Variants in ASIC2 observed in about 807,000 individuals in gnomAD.
ASIC2 encodes acid-sensing ion channel 2.
In ASIC2, 25 loss-of-function variants were observed where a neutral mutation model predicts 57.3. That is an observed-to-expected ratio of 0.44 (90% confidence interval 0.32 to 0.61). ASIC2 has a LOEUF of 0.61. Among genes scored for constraint, ASIC2 ranks in the 20% least tolerant of loss-of-function variants. The probability of loss-of-function intolerance (pLI) is 0.06; values close to 1 mark genes in which losing one functional copy is unlikely to be tolerated. For synonymous variants in ASIC2, 319 were observed against 307.5 expected, an observed-to-expected ratio of 1.04 and a Z score of -0.39; for missense variants, 641 against 738.1, an observed-to-expected ratio of 0.87 and a Z score of 1.52.
chr17:33,396,709 A>G lies in ASIC2; in HGVS notation c.556-284642T>C, dbSNP rs1037674858. 1.6e-4 allele frequency among the ~76,000 whole-genome samples: 25 copies of G among 152,198 alleles called. No individual in the cohort carries two copies. In the East Asian group the frequency reaches 4.8e-3, roughly 29 times the overall value. On this transcript the variant is annotated intron_variant, in intron 1 of 9. Coordinates refer to the ASIC2 transcript ENST00000359872. ...AGGTAGAGGACTGATAGCATTTCTC[A>G]TCATGGGGACATAGTTAGATCACCT...
chr17:33,092,758 C>A (rs2092162574), intron 2 of ASIC2, among the ~76,000 whole-genome samples: 1 of 152,216 alleles, frequency 6.6e-6, no homozygotes, highest in African/African-American at 2.4e-5. Context: ...TGAGCAGATG[C>A]CTTAATTCAT....
At chr17:33,590,007 C>A (rs1200725927) in intron 1 of ASIC2, among the ~76,000 whole-genome samples, 1 of 152,156 alleles carries the variant, frequency 6.6e-6, no homozygotes, top group Admixed American at 6.5e-5. Context: ...GGGTGGTCCA[C>A]CCATCATATA....
At chr17:34,090,032 C>T (rs1910267288) in intron 1 of ASIC2, among the ~76,000 whole-genome samples, 1 of 152,200 alleles carries the variant, frequency 6.6e-6, no homozygotes, top group African/African-American at 2.4e-5. Context: ...GCATACAGAT[C>T]ACACCACAGT....
intron 1 of ASIC2, among the ~76,000 whole-genome samples, chr17:33,692,824 T>C (rs1908414968): frequency 6.6e-6 from 1 of 152,216 alleles, no homozygotes; most frequent in African/African-American, 2.4e-5. Flanking sequence ...CACTAGGCAA[T>C]AGAAAATTTT....
chr17:34,020,416 G>T (rs1907116061), intron 1 of ASIC2, among the ~76,000 whole-genome samples: 1 of 152,140 alleles, frequency 6.6e-6, no homozygotes, highest in Non-Finnish European at 1.5e-5. Flanking sequence ...GCTGAGTTGG[G>T]CTCTGGTGGG....
intron 1 of ASIC2, among the ~76,000 whole-genome samples, chr17:34,077,035 A>G (rs1340166379): frequency 2.0e-5 from 3 of 152,222 alleles, no homozygotes; most frequent in Admixed American, 6.5e-5. Flanking sequence ...GGTGATAACT[A>G]AGGAGGTGAA....
chr17:33,773,997 G>A (rs1322494769), intron 1 of ASIC2, among the ~76,000 whole-genome samples: 1 of 151,958 alleles, frequency 6.6e-6, no homozygotes, highest in Non-Finnish European at 1.5e-5. Context: ...ACCTTCCTGG[G>A]AAGTATGCAG....
intron 1 of ASIC2, among the ~76,000 whole-genome samples, chr17:33,526,225 T>C (rs1345827807): frequency 2.0e-5 from 3 of 152,202 alleles, no homozygotes; most frequent in Non-Finnish European, 2.9e-5. Flanking sequence ...CATCCTGTCT[T>C]AGAATTCCCA....
chr17:33,651,908 A>T (rs1318695448), intron 1 of ASIC2, among the ~76,000 whole-genome samples: 1 of 152,212 alleles, frequency 6.6e-6, no homozygotes, highest in African/African-American at 2.4e-5. Context: ...CTGCTCTGGG[A>T]AAGTTTGCAC....
chr17:33,076,171 G>C (rs12450335), intron 3 of ASIC2, among the ~76,000 whole-genome samples: 14,073 of 152,214 alleles, frequency 0.092, 759 homozygotes, highest in Non-Finnish European at 0.13. Flanking sequence ...TTCAAAAACA[G>C]ACAAAAATCT....
chr17:33,796,186 G>C (rs768045353), intron 1 of ASIC2, among the ~76,000 whole-genome samples: 1 of 152,152 alleles, frequency 6.6e-6, no homozygotes, highest in Non-Finnish European at 1.5e-5. Flanking sequence ...AATGTGTTTA[G>C]TACATACTTT....
At chr17:33,589,681 G>C (rs1399939795) in intron 1 of ASIC2, among the ~76,000 whole-genome samples, 6 of 152,146 alleles carry the variant, frequency 3.9e-5, no homozygotes, top group Non-Finnish European at 8.8e-5. Context: ...CATCCAAGTT[G>C]TATTACGAAT....
intron 1 of ASIC2, among the ~76,000 whole-genome samples, chr17:33,577,294 G>A (rs1317861274): frequency 6.6e-6 from 1 of 152,170 alleles, no homozygotes; most frequent in Non-Finnish European, 1.5e-5. Context: ...CCAGGTCTAA[G>A]TGCAGCCCTT....
intron 1 of ASIC2, among the ~76,000 whole-genome samples, chr17:33,351,057 C>T (rs181106134): frequency 1.9e-4 from 29 of 152,288 alleles, no homozygotes; most frequent in Admixed American, 2.6e-4. Context: ...AGTATAAGGA[C>T]TATCTAGCCT....
At chr17:33,124,288 A>T (rs937446416) in intron 1 of ASIC2, among the ~76,000 whole-genome samples, 1 of 152,212 alleles carries the variant, frequency 6.6e-6, no homozygotes, top group Non-Finnish European at 1.5e-5. Flanking sequence ...GCCATCACAG[A>T]TTCACAAATG....
rs114468736 is a variant in ASIC2, at chr17:33,421,953, T to C, written c.556-309886A>G. Among the ~76,000 whole-genome samples the C allele has an allele frequency of 5.1e-3, 782 of 152,290 alleles. 4 individuals carry two copies. Among genetic ancestry groups the C allele is most frequent in the African/African-American group, 0.018 (746 of 41,572 alleles). The stretch of plus-strand genomic sequence containing the variant: ...CGTTGCTTCCTAACAGCCTGAAAGT[T>C]TGGGGGCGCCAGCCTTTGGACAGAC... On this transcript the variant is annotated intron_variant, in intron 1 of 9. Coordinates refer to the ASIC2 transcript ENST00000359872.
intron 1 of ASIC2, among the ~76,000 whole-genome samples, chr17:33,406,681 G>C (rs537366969): frequency 3.9e-5 from 6 of 152,344 alleles, no homozygotes; most frequent in Admixed American, 2.6e-4. Flanking sequence ...CCAGCAGATG[G>C]TAAGGGCTAT....
intron 3 of ASIC2, among the ~76,000 whole-genome samples, chr17:33,045,568 G>A (rs1168749134): frequency 6.6e-6 from 1 of 152,138 alleles, no homozygotes; most frequent in Non-Finnish European, 1.5e-5. Flanking sequence ...TTACCTCTCA[G>A]AGCTCAGCTT....
chr17:33,276,547 A>T (rs1904712896), intron 1 of ASIC2, among the ~76,000 whole-genome samples: 1 of 152,236 alleles, frequency 6.6e-6, no homozygotes, highest in Admixed American at 6.5e-5. Context: ...TGTCATTGTC[A>T]CATTTACTGA....
Sources: allele counts gnomAD v4.1 joint callset (sites outside exome capture counted in the v4.1 genomes callset), GRCh38; gene constraint gnomAD v4.1.1; transcripts MANE v1.5; gene names NCBI Gene and HGNC (gene_info 2026-07-23, HGNC 2026-07-21).